ANXA8: variants seen among roughly 807,000 people sequenced by gnomAD.
ANXA8 encodes the protein VAC-beta.
In ANXA8, 9 loss-of-function variants were observed where a neutral mutation model predicts 26.8. That is an observed-to-expected ratio of 0.34 (90% CI 0.20 to 0.59). The LOEUF is 0.59. Among genes scored for constraint, ANXA8 ranks in the 20% least tolerant of loss-of-function variants. The pLI is 0.84. For synonymous variants in ANXA8, 39 were observed against 94.8 expected (o/e 0.41, Z 3.42); for missense variants, 83 against 238.5 (o/e 0.35, Z 4.29).
chr10:47,971,076 T>C, the ANXA8 span, among the ~76,000 whole-genome samples: 2 of 151,428 alleles, frequency 1.3e-5, no homozygotes, highest in Non-Finnish European at 3.0e-5. Context: ...GATTCTCAAA[T>C]GCTCGGAGGC....
At chr10:47,940,271 A>G in the ANXA8 span, among the ~76,000 whole-genome samples, 1 of 145,170 alleles carries the variant, frequency 6.9e-6, no homozygotes, top group Non-Finnish European at 1.5e-5. Context: ...GGCAGCTGGC[A>G]CAGTGCCTGG....
chr10:47,954,164 G>T, the ANXA8 span, among the ~76,000 whole-genome samples: 2 of 150,448 alleles, frequency 1.3e-5, no homozygotes, highest in South Asian at 4.2e-4. Context: ...TAGACAAATG[G>T]ATAAAGAAAC....
the ANXA8 span, among the ~76,000 whole-genome samples, chr10:47,724,150 T>G: frequency 1.5e-5 from 2 of 134,398 alleles, no homozygotes; most frequent in Non-Finnish European, 3.2e-5. Context: ...GCGGGGCATG[T>G]GGCATCCCTG....
chr10:47,487,167 A>G, upstream of ANXA8: 1 of 1,208,154 alleles, frequency 8.3e-7, no homozygotes, highest in East Asian at 2.6e-5. Context: ...TCAACAAGAA[A>G]ATACTTTGCC....
the ANXA8 span, among the ~76,000 whole-genome samples, chr10:47,714,389 A>AAT: frequency 6.9e-6 from 1 of 144,044 alleles, no homozygotes; most frequent in Non-Finnish European, 1.5e-5. Flanking sequence ...AGGTGTAGTA[A>AAT]ATTAGATTTA....
chr10:47,681,316 A>G, the ANXA8 span, among the ~76,000 whole-genome samples: 1 of 151,134 alleles, frequency 6.6e-6, no homozygotes, highest in African/African-American at 2.4e-5. Flanking sequence ...TTTGCTGAGT[A>G]TGACTTTTCA....
At chr10:47,957,802 T>C in the ANXA8 span, among the ~76,000 whole-genome samples, 13 of 149,078 alleles carry the variant, frequency 8.7e-5, 1 homozygote, top group Admixed American at 4.0e-4. Flanking sequence ...CCCATAGCCT[T>C]CTCCTCTGTG....
chr10:47,966,000 C>A, the ANXA8 span, among the ~76,000 whole-genome samples: 3,616 of 124,758 alleles, frequency 0.029, 40 homozygotes, highest in African/African-American at 0.095. Context: ...CTCCCCCCAA[C>A]CTCCAGAGAG....
At chr10:47,561,789 G>A in the ANXA8 span, among the ~76,000 whole-genome samples, 1 of 151,456 alleles carries the variant, frequency 6.6e-6, no homozygotes, top group African/African-American at 2.4e-5. Flanking sequence ...AGGTAGGGAA[G>A]CCAGATACTA....
At chr10:47,694,663 C>T in the ANXA8 span, among the ~76,000 whole-genome samples, 5 of 151,836 alleles carry the variant, frequency 3.3e-5, no homozygotes, top group Admixed American at 6.6e-5. Context: ...TTGTGATCTG[C>T]CCACCTTGGC....
the ANXA8 span, among the ~76,000 whole-genome samples, chr10:47,684,431 G>C: frequency 5.8e-4 from 86 of 147,144 alleles, no homozygotes; most frequent in Middle Eastern, 3.6e-3. Flanking sequence ...TTTGGGGGGG[G>C]GGTGAGGAGG....
At chr10:47,954,904 T>C in the ANXA8 span, among the ~76,000 whole-genome samples, 2 of 150,846 alleles carry the variant, frequency 1.3e-5, no homozygotes, top group Admixed American at 1.3e-4. Context: ...CAGGAGAGAT[T>C]ACAGATACAC....
At chr10:47,941,285 AC>A in the ANXA8 span, among the ~76,000 whole-genome samples, 1 of 146,392 alleles carries the variant, frequency 6.8e-6, no homozygotes, top group Non-Finnish European at 1.5e-5. Flanking sequence ...ACCTAGAACC[AC>A]CTGTTTTTCT....
At chr10:47,680,558 C>T in the ANXA8 span, among the ~76,000 whole-genome samples, 1 of 151,662 alleles carries the variant, frequency 6.6e-6, no homozygotes, top group South Asian at 2.1e-4. Context: ...TTGCTTGAAC[C>T]TGGGAGGCAG....
chr10:47,904,489 G>T, the ANXA8 span, among the ~76,000 whole-genome samples: 1 of 77,222 alleles, frequency 1.3e-5, no homozygotes, highest in African/African-American at 6.7e-5. Context: ...CAGTTACTTA[G>T]AGTTCATTTA....
At chr10:47,510,115 G>A in the ANXA8 span, 38 of 1,267,418 alleles carry the variant, frequency 3.0e-5, no homozygotes, top group Non-Finnish European at 3.8e-5. Context: ...CAACCAAATG[G>A]CTGAAATAAT....
chr10:47,932,505 G>A, the ANXA8 span, among the ~76,000 whole-genome samples: 379 of 146,910 alleles, frequency 2.6e-3, 2 homozygotes, highest in Non-Finnish European at 4.5e-3. Context: ...TCTAGTCCTT[G>A]CCCCCTTGTC....
At chr10:47,676,715 C>T in the ANXA8 span, among the ~76,000 whole-genome samples, 3 of 151,452 alleles carry the variant, frequency 2.0e-5, no homozygotes, top group Non-Finnish European at 2.9e-5. Context: ...GTCAAGAGGT[C>T]GAGACCATCC....
the ANXA8 span, among the ~76,000 whole-genome samples, chr10:47,495,936 G>A: frequency 1.3e-5 from 2 of 151,592 alleles, no homozygotes; most frequent in Non-Finnish European, 2.9e-5. Flanking sequence ...GAAGGAGCAG[G>A]TGGTGCCCGG....
Sources: gnomAD v4.1 joint callset for allele counts (sites outside exome capture counted in the v4.1 genomes callset) on GRCh38, gnomAD v4.1.1 for gene constraint, MANE v1.5 for transcripts, NCBI Gene and HGNC (gene_info 2026-07-23, HGNC 2026-07-21) for gene names.